The following USP46 variants were observed in gnomAD, a reference collection of about 807,000 sequenced individuals.
USP46 encodes the protein ubiquitin specific peptidase 46.
Under a neutral mutation model 44.4 loss-of-function variants are expected in USP46, and 12 were observed. The ratio of observed to expected loss-of-function variants is 0.27; its 90% CI spans 0.17 to 0.44. USP46 has a LOEUF of 0.44. USP46 is among the 20% of genes least tolerant of loss of function. The pLI is 1.00. For missense variants in USP46, 248 were observed against 444.8 expected, an observed-to-expected ratio of 0.56 and a Z score of 3.98; for synonymous variants, 155 against 161.5, an observed-to-expected ratio of 0.96 and a Z score of 0.31.
intron 1 of USP46, among the ~76,000 whole-genome samples, chr4:52,633,740 T>A (rs1487906057): frequency 6.6e-6 from 1 of 152,170 alleles, no homozygotes; most frequent in Non-Finnish European, 1.5e-5. Flanking sequence ...CCTATCTTAA[T>A]ATTTTCCCAT....
intron 1 of USP46, among the ~76,000 whole-genome samples, chr4:52,654,042 C>A (rs1265548792): frequency 6.6e-6 from 1 of 152,118 alleles, no homozygotes; most frequent in Non-Finnish European, 1.5e-5. Context: ...TAACTAAATA[C>A]CAGCATTCAA....
intron 1 of USP46, chr4:52,658,134 T>C (rs1577705654): frequency 4.5e-6 from 2 of 444,390 alleles, no homozygotes; most frequent in Non-Finnish European, 9.1e-6. Flanking sequence ...GGAGGCGGGG[T>C]GCAGTCTAAA....
chr4:52,632,990 A>AAAGAAAGAAAGAAAAGAAAG, intron 1 of USP46, among the ~76,000 whole-genome samples: 1 of 66,292 alleles, frequency 1.5e-5, no homozygotes. Context: ...GAAAGAAAAG[A>AAAGAAAGAAAGAAAAGAAAG]AAAGAAAGAA....
At chr4:52,652,838 C>G (rs1718814857) in intron 1 of USP46, among the ~76,000 whole-genome samples, 1 of 152,058 alleles carries the variant, frequency 6.6e-6, no homozygotes, top group African/African-American at 2.4e-5. Flanking sequence ...TATTTCTTCA[C>G]TGGGTGGGGA....
At chr4:52,632,982 AAG>A (rs1491477961) in intron 1 of USP46, among the ~76,000 whole-genome samples, 1 of 92,074 alleles carries the variant, frequency 1.1e-5, no homozygotes, top group Non-Finnish European at 2.1e-5. Flanking sequence ...GAAAGAAAGA[AAG>A]AAAAGAAAAG....
At chr4:52,605,631 T>A (rs999138291) in intron 5 of USP46, among the ~76,000 whole-genome samples, 10 of 152,228 alleles carry the variant, frequency 6.6e-5, no homozygotes, top group African/African-American at 2.4e-4. Context: ...TGGGCTAGGT[T>A]CTGGGGATCC....
intron 2 of USP46, among the ~76,000 whole-genome samples, chr4:52,630,302 C>G (rs1717769786): frequency 1.3e-5 from 2 of 152,192 alleles, no homozygotes; most frequent in South Asian, 4.1e-4. Flanking sequence ...AGTTTTCTCT[C>G]CCAACCTGTC....
At chr4:52,628,974 A>G (rs1464480234) in intron 2 of USP46, among the ~76,000 whole-genome samples, 2 of 152,240 alleles carry the variant, frequency 1.3e-5, no homozygotes, top group Non-Finnish European at 2.9e-5. Context: ...TCTACTGACT[A>G]TAAGACCACC....
At chr4:52,650,042 G>C (rs1718695248) in intron 1 of USP46, among the ~76,000 whole-genome samples, 1 of 152,208 alleles carries the variant, frequency 6.6e-6, no homozygotes, top group African/African-American at 2.4e-5. Context: ...AGAGCAATTT[G>C]ACACACCTAG....
intron 4 of USP46, among the ~76,000 whole-genome samples, chr4:52,612,334 C>A (rs1485398638): frequency 6.6e-6 from 1 of 152,026 alleles, no homozygotes; most frequent in East Asian, 1.9e-4. Context: ...TTTTTAATGA[C>A]GTTTATTTCT....
chr4:52,655,693 GAAAATTAC>G (rs1307116767), intron 1 of USP46, among the ~76,000 whole-genome samples: 2 of 152,220 alleles, frequency 1.3e-5, no homozygotes, highest in Non-Finnish European at 2.9e-5. Flanking sequence ...AGTGCATTAT[GAAAATTAC>G]AACACACCAG....
intron 1 of USP46, among the ~76,000 whole-genome samples, 169 bp from the exon 2 acceptor site, chr4:52,631,313 A>C (rs1003206941): frequency 6.6e-6 from 1 of 152,226 alleles, no homozygotes; most frequent in Non-Finnish European, 1.5e-5. Context: ...AGAGTAGTTA[A>C]TAATGTCAGC....
At chr4:52,599,906 C>T (rs973335457) in intron 7 of USP46, among the ~76,000 whole-genome samples, 1 of 152,110 alleles carries the variant, frequency 6.6e-6, no homozygotes, top group Non-Finnish European at 1.5e-5. Context: ...CTTTGCATTG[C>T]TGTAAACTCT....
At chr4:52,598,577 C>T (rs764035999) in intron 8 of USP46, 51 bp downstream of exon 8, 195 of 1,527,600 alleles carry the variant, frequency 1.3e-4, no homozygotes, top group Admixed American at 3.7e-5. Flanking sequence ...ACACATTCTC[C>T]GAAATACTAC....
chr4:52,651,486 G>T (rs73248674), intron 1 of USP46, among the ~76,000 whole-genome samples: 18,234 of 152,038 alleles, frequency 0.12, 1,079 homozygotes, highest in African/African-American at 0.14. Flanking sequence ...GTTTAATGAG[G>T]TAATACTCAT....
Position 52,603,578 on chromosome 4 carries a change from T to C in USP46, c.722+923A>G, listed in dbSNP as rs532486517. ...CTGAAATGGCAACTTTCCTGGCTTG[T>C]AGGAGCAGATTAATGGGGGTTATTC... On this transcript the variant is annotated intron_variant, in intron 6 of 8. Coordinates refer to ENST00000441222, the MANE Select transcript of USP46 (RefSeq NM_022832.4). 2.6e-5 allele frequency among the ~76,000 whole-genome samples: 4 copies of C among 152,334 alleles called. No homozygotes were observed. In the East Asian group the frequency reaches 7.7e-4, roughly 29 times the overall value.
rs73815958 is a variant in USP46 at position 52,611,254 on chromosome 4, G to A, written c.562-637C>T. Among the ~76,000 whole-genome samples the A allele has an allele frequency of 9.3e-3, 1,409 of 152,318 alleles. 17 individuals carry two copies. The highest frequency in any genetic ancestry group is 0.032 in the African/African-American group (1,336 of 41,568). On this transcript the variant is annotated intron_variant, in intron 4 of 8. Coordinates refer to ENST00000441222, the MANE Select transcript of USP46 (RefSeq NM_022832.4). ...CTGCAGCCTGGGCTCACACAGGCCC[G>A]CCATACCGTGGGCAGCTCTCAGCTG... is the stretch of plus-strand genomic sequence containing the variant.
intron 6 of USP46, among the ~76,000 whole-genome samples, chr4:52,603,627 G>A (rs917714513): frequency 3.3e-5 from 5 of 152,184 alleles, no homozygotes; most frequent in African/African-American, 1.2e-4. Context: ...AACTGTAACT[G>A]TCTAGTGTGC....
At chr4:52,657,692 A>G (rs1328889404) in intron 1 of USP46, among the ~76,000 whole-genome samples, 2 of 152,210 alleles carry the variant, frequency 1.3e-5, no homozygotes, top group African/African-American at 4.8e-5. Context: ...TCGCAGAGAA[A>G]GGAAAAAAAG....
Sources: allele counts gnomAD v4.1 joint callset (sites outside exome capture counted in the v4.1 genomes callset), GRCh38; gene constraint gnomAD v4.1.1; transcripts MANE v1.5; gene names NCBI Gene and HGNC (gene_info 2026-07-23, HGNC 2026-07-21).